EEFSEC: variants seen among roughly 807,000 people sequenced by gnomAD.
EEFSEC encodes the protein eukaryotic elongation factor, selenocysteine-tRNA specific.
Under a neutral mutation model 42.1 loss-of-function variants are expected in EEFSEC, and 43 were observed. The ratio of observed to expected loss-of-function variants is 1.02; its 90% CI spans 0.80 to 1.32. The LOEUF (loss-of-function observed/expected upper bound fraction) is 1.32. Among genes scored for constraint, EEFSEC ranks in the 40% most tolerant of loss-of-function variants. The probability of loss-of-function intolerance (pLI) is 0.00; values close to 1 mark genes in which losing one functional copy is unlikely to be tolerated. For missense variants in EEFSEC, 745 were observed against 803.6 expected (o/e 0.93, Z 0.88); for synonymous variants, 354 against 339.1 (o/e 1.04, Z -0.48).
At chr3:128,345,274 T>C (rs1161920190) in intron 5 of EEFSEC, among the ~76,000 whole-genome samples, 3 of 152,186 alleles carry the variant, frequency 2.0e-5, no homozygotes. Context: ...AGAGTCAAAA[T>C]AATAATGCCT....
Position 128,153,699 on chromosome 3 carries a change from G to A in EEFSEC, c.192G>A (p.Leu64=). The A allele has an allele frequency of 6.3e-7, 1 of 1,589,022 alleles. No individual in the cohort carries two copies. Among genetic ancestry groups the A allele is most frequent in the Non-Finnish European group, 8.5e-7 (1 of 1,175,566 alleles). Residue 64 remains leucine, a synonymous_variant, in exon 1 of 7, where the codon CTG becomes CTA. Transcript: ENST00000254730. ...TCTCGGTGCCGCTGCCCGCGCGCCTGCGGTCGTCTTTGCCCGAGTTCCAGG... is the reference window on the plus strand; with the variant it reads ...TCTCGGTGCCGCTGCCCGCGCGCCTACGGTCGTCTTTGCCCGAGTTCCAGG... The part of the protein sequence containing the change: ...SCFSVPLPAR[L]RSSLPEFQAA...
rs531602065 is a variant in EEFSEC, at chr3:128,406,205, G to A, written c.1601-1864G>A. 1.3e-4 allele frequency among the ~76,000 whole-genome samples: 20 copies of A among 152,372 alleles called. 1 individual carries two copies. The South Asian group carries it at 3.1e-3, about 24-fold the overall frequency. On this transcript the variant is annotated intron_variant, in intron 6 of 6. Transcript: ENST00000254730. ...TCTCACCCTGGCCAGTGGCCCACAT[G>A]GAGGCTGCACCATGCTGCCACCAGG... is the stretch of plus-strand genomic sequence containing the variant.
chr3:128,365,991 C>T (rs1274691966), intron 6 of EEFSEC, among the ~76,000 whole-genome samples: 1 of 152,216 alleles, frequency 6.6e-6, no homozygotes, highest in Non-Finnish European at 1.5e-5. Context: ...GAAGCTGATG[C>T]ACCTCTCTGT....
intron 4 of EEFSEC, among the ~76,000 whole-genome samples, chr3:128,310,614 A>C (rs1298876297): frequency 1.3e-5 from 2 of 152,244 alleles, no homozygotes; most frequent in Non-Finnish European, 2.9e-5. Flanking sequence ...GTACAGATAG[A>C]CTGTATCATG....
chr3:128,397,683 C>T (rs115817299), intron 6 of EEFSEC, among the ~76,000 whole-genome samples: 2,236 of 152,400 alleles, frequency 0.015, 51 homozygotes, highest in African/African-American at 0.05. Flanking sequence ...GGCTCACCTT[C>T]CGGAAACTGC....
At position 128,182,873 on chromosome 3, in the gene EEFSEC, G is replaced by C. The variant is rs545240216; in HGVS notation, c.316+29050G>C. Reference sequence around the variant, plus strand: ...CTTGGCCTGCTTCCCACCAGCCACAGAGATCGGGGCGGGGGGGTGGGGTGG... The same window carrying C: ...CTTGGCCTGCTTCCCACCAGCCACACAGATCGGGGCGGGGGGGTGGGGTGG... On this transcript the variant is annotated intron_variant, in intron 1 of 6. Coordinates refer to ENST00000254730, the MANE Select transcript of EEFSEC (RefSeq NM_021937.5). Among the ~76,000 whole-genome samples, 321 of 118,828 alleles carry C rather than the reference G, an allele frequency of 2.7e-3. 1 individual carries two copies. The highest frequency in any genetic ancestry group is 9.9e-3 in the African/African-American group (290 of 29,402). 78.0% of individuals were successfully genotyped at this position (118,828 alleles called of 152,430 possible). A position where few individuals can be genotyped will look rare whatever the true frequency, so the allele number is the denominator to read the frequency against.
chr3:128,298,652 G>GC (rs1415085990), intron 4 of EEFSEC, among the ~76,000 whole-genome samples: 1 of 152,082 alleles, frequency 6.6e-6, no homozygotes, highest in Non-Finnish European at 1.5e-5. Context: ...TATATAGTCA[G>GC]CCTACTGTAC....
intron 2 of EEFSEC, 73 bp downstream of exon 2, chr3:128,247,116 C>A: frequency 6.7e-7 from 1 of 1,499,464 alleles, no homozygotes; most frequent in African/African-American, 1.4e-5. Flanking sequence ...ATTTCACAAA[C>A]ATGAATTGGA....
chr3:128,318,091 A>G (rs116144565), intron 4 of EEFSEC, among the ~76,000 whole-genome samples: 2,303 of 152,340 alleles, frequency 0.015, 58 homozygotes, highest in African/African-American at 0.051. Flanking sequence ...CCCATCTGGC[A>G]CAGTGGGGAG....
intron 6 of EEFSEC, among the ~76,000 whole-genome samples, chr3:128,389,381 C>T (rs964803898): frequency 2.0e-5 from 3 of 152,254 alleles, no homozygotes; most frequent in Admixed American, 2.0e-4. Context: ...TGCCTGGCAC[C>T]GTCTCAGCCA....
At chr3:128,311,669 C>A (rs537394773) in intron 4 of EEFSEC, among the ~76,000 whole-genome samples, 2 of 152,334 alleles carry the variant, frequency 1.3e-5, no homozygotes, top group African/African-American at 4.8e-5. Flanking sequence ...GACCTGGGGC[C>A]AAGGACTTCA....
intron 1 of EEFSEC, among the ~76,000 whole-genome samples, chr3:128,201,487 G>A (rs1389445041): frequency 6.6e-6 from 1 of 152,074 alleles, no homozygotes; most frequent in Non-Finnish European, 1.5e-5. Context: ...ACTTTTTAAT[G>A]TGTTTATTGG....
downstream of EEFSEC, among the ~76,000 whole-genome samples, chr3:128,410,796 A>G (rs1377176812): frequency 6.6e-6 from 1 of 152,012 alleles, no homozygotes; most frequent in Admixed American, 6.5e-5. Context: ...ACCAGCCCCA[A>G]ATAAGCCGTT....
At chr3:128,182,227 G>A (rs1192846863) in intron 1 of EEFSEC, among the ~76,000 whole-genome samples, 6 of 151,798 alleles carry the variant, frequency 4.0e-5, no homozygotes, top group East Asian at 1.9e-4. Context: ...TAATGCCCCC[G>A]CACATCTGGG....
intron 4 of EEFSEC, among the ~76,000 whole-genome samples, chr3:128,286,852 T>G (rs1232283426): frequency 1.3e-5 from 2 of 152,232 alleles, no homozygotes; most frequent in Non-Finnish European, 2.9e-5. Context: ...TACAGAGGCA[T>G]CTACCTATCT....
chr3:128,329,581 G>A (rs914206606), intron 4 of EEFSEC, among the ~76,000 whole-genome samples: 30 of 152,332 alleles, frequency 2.0e-4, no homozygotes, highest in African/African-American at 6.5e-4. Flanking sequence ...CTGGAAGGAC[G>A]AGGAGGGGCC....
At chr3:128,236,297 G>A (rs1370665514) in intron 1 of EEFSEC, among the ~76,000 whole-genome samples, 2 of 152,212 alleles carry the variant, frequency 1.3e-5, no homozygotes, top group Non-Finnish European at 2.9e-5. Context: ...AAATGTTTGA[G>A]GTGACTCGGC....
chr3:128,166,088 C>G (rs1329618006), intron 1 of EEFSEC, among the ~76,000 whole-genome samples: 1 of 152,194 alleles, frequency 6.6e-6, no homozygotes, highest in East Asian at 1.9e-4. Flanking sequence ...AGAACTTACG[C>G]TCTAGAGAGG....
At chr3:128,186,319 G>A (rs897468973) in intron 1 of EEFSEC, among the ~76,000 whole-genome samples, 3 of 152,140 alleles carry the variant, frequency 2.0e-5, no homozygotes, top group East Asian at 1.9e-4. Flanking sequence ...ATATATTCTA[G>A]ATAGTTCCTT....
Sources: gnomAD v4.1 joint callset for allele counts (sites outside exome capture counted in the v4.1 genomes callset) on GRCh38, gnomAD v4.1.1 for gene constraint, MANE v1.5 for transcripts, NCBI Gene and HGNC (gene_info 2026-07-23, HGNC 2026-07-21) for gene names.